ZBTB20: variants seen among roughly 807,000 people sequenced by gnomAD.
The protein encoded by ZBTB20 is zinc finger and BTB domain-containing protein 20.
In ZBTB20, 9 loss-of-function variants were observed where a neutral mutation model predicts 56.9. The observed-to-expected ratio is 0.16, with a 90% CI of 0.10 to 0.28. The LOEUF is 0.28. ZBTB20 is among the 10% of genes least tolerant of loss of function. The pLI is 1.00. For synonymous variants in ZBTB20, 417 were observed against 420.7 expected (o/e 0.99, Z 0.11); for missense variants, 655 against 1,003.0 (o/e 0.65, Z 4.69).
chr3:114,583,771 T>C (rs963871458), intron 6 of ZBTB20, among the ~76,000 whole-genome samples: 2 of 152,244 alleles, frequency 1.3e-5, no homozygotes, highest in Admixed American at 6.5e-5. Context: ...ATGTGAGGTC[T>C]CAGTTACTAT....
At position 115,119,813 on chromosome 3, in the gene ZBTB20, C is replaced by T. The variant is rs547171751; in HGVS notation, c.-703+27406G>A. ...TGTTCTAAAACAGAGAGAGAGAAAG[C>T]ACACAAGCAAGAGTGTAATACTGTG... On this transcript the variant is annotated intron_variant, in intron 1 of 11. Transcript: ENST00000675478. Among the ~76,000 whole-genome samples, 6 of 152,232 alleles carry T rather than the reference C, an allele frequency of 3.9e-5. No individual in the cohort carries two copies. In the South Asian group the frequency reaches 1.2e-3, roughly 32 times the overall value.
intron 5 of ZBTB20, among the ~76,000 whole-genome samples, chr3:114,784,930 C>CAT (rs1560246678): frequency 6.6e-6 from 1 of 152,138 alleles, no homozygotes; most frequent in Non-Finnish European, 1.5e-5. Context: ...AATTATTTCA[C>CAT]ATATATTATC....
At chr3:115,085,869 T>C (rs529252029) in intron 1 of ZBTB20, among the ~76,000 whole-genome samples, 4 of 152,046 alleles carry the variant, frequency 2.6e-5, no homozygotes, top group Non-Finnish European at 5.9e-5. Context: ...GAAAGATGCC[T>C]ACAAACATGA....
At chr3:114,378,965 T>C (rs1234978230) in intron 10 of ZBTB20, 1 of 152,216 alleles carries the variant, frequency 6.6e-6, no homozygotes, top group Non-Finnish European at 1.5e-5. Context: ...CTTTTCATTT[T>C]CTAGTGACGG....
At chr3:114,430,574 A>G (rs2090044781) in intron 7 of ZBTB20, among the ~76,000 whole-genome samples, 1 of 152,240 alleles carries the variant, frequency 6.6e-6, no homozygotes, top group South Asian at 2.1e-4. Flanking sequence ...GTTTAAATAT[A>G]TGAGCATGAG....
At chr3:114,382,761 C>A (rs1438006175) in intron 8 of ZBTB20, among the ~76,000 whole-genome samples, 1 of 152,148 alleles carries the variant, frequency 6.6e-6, no homozygotes, top group Non-Finnish European at 1.5e-5. Context: ...TGTAAGCTCT[C>A]TGAAGGTAAG....
chr3:114,752,906 A>AT (rs771877915), intron 5 of ZBTB20, among the ~76,000 whole-genome samples: 1 of 152,142 alleles, frequency 6.6e-6, no homozygotes, highest in African/African-American at 2.4e-5. Flanking sequence ...ACTCAGTTCA[A>AT]TGAAAAAACC....
intron 7 of ZBTB20, among the ~76,000 whole-genome samples, chr3:114,391,472 A>G (rs937838293): frequency 6.6e-6 from 1 of 152,206 alleles, no homozygotes; most frequent in African/African-American, 2.4e-5. Flanking sequence ...GAAGCATTTC[A>G]CAAAGGAGAG....
chr3:114,971,366 TG>T, intron 3 of ZBTB20, among the ~76,000 whole-genome samples: 1 of 152,302 alleles, frequency 6.6e-6, no homozygotes, highest in Middle Eastern at 3.4e-3. Flanking sequence ...TCAGAGATTT[TG>T]GGGGGTTCCA....
At chr3:114,718,372 T>C (rs1466297512) in intron 5 of ZBTB20, among the ~76,000 whole-genome samples, 2 of 152,132 alleles carry the variant, frequency 1.3e-5, no homozygotes, top group Non-Finnish European at 2.9e-5. Flanking sequence ...ATACAAGATA[T>C]ATTCTAAGTC....
At chr3:114,864,627 A>T (rs2075685541) in intron 4 of ZBTB20, among the ~76,000 whole-genome samples, 1 of 152,092 alleles carries the variant, frequency 6.6e-6, no homozygotes, top group African/African-American at 2.4e-5. Flanking sequence ...ATTTTCATAT[A>T]ATACTATCTA....
chr3:115,133,569 C>A (rs1320210186), intron 1 of ZBTB20, among the ~76,000 whole-genome samples: 35 of 152,196 alleles, frequency 2.3e-4, no homozygotes, highest in Admixed American at 2.3e-3. Flanking sequence ...AACCACTAAT[C>A]TCCTTTCTGT....
intron 6 of ZBTB20, chr3:114,528,624 C>T (rs1229977018): frequency 6.6e-6 from 1 of 152,072 alleles, no homozygotes; most frequent in Non-Finnish European, 1.5e-5. Flanking sequence ...CTTATACTTT[C>T]CTCATAGAAA....
intron 1 of ZBTB20, among the ~76,000 whole-genome samples, chr3:115,108,060 G>A (rs760487482): frequency 4.0e-5 from 6 of 151,812 alleles, no homozygotes; most frequent in African/African-American, 1.5e-4. Context: ...CCTAGATGAC[G>A]GGTTGATAGA....
At chr3:114,594,703 C>T (rs1016441926) in intron 6 of ZBTB20, among the ~76,000 whole-genome samples, 2 of 152,222 alleles carry the variant, frequency 1.3e-5, no homozygotes, top group South Asian at 4.1e-4. Flanking sequence ...AGGTCTTAGT[C>T]TAGCAGGTAA....
At chr3:114,726,913 A>C in intron 5 of ZBTB20, among the ~76,000 whole-genome samples, 1 of 114,156 alleles carries the variant, frequency 8.8e-6, no homozygotes, top group African/African-American at 3.9e-5. Flanking sequence ...CTCCATCACA[A>C]AAAAAAAAAA....
intron 5 of ZBTB20, among the ~76,000 whole-genome samples, chr3:114,718,486 C>T (rs1336120025): frequency 1.3e-5 from 2 of 151,942 alleles, no homozygotes; most frequent in Admixed American, 6.6e-5. Context: ...GAGGGAAGTA[C>T]CTGAACACAG....
chr3:114,468,339 G>C (rs1444440221), intron 7 of ZBTB20, among the ~76,000 whole-genome samples: 1 of 152,142 alleles, frequency 6.6e-6, no homozygotes, highest in Non-Finnish European at 1.5e-5. Context: ...TAGGTCAAAA[G>C]GGACTAACAA....
At chr3:114,695,633 T>A (rs537956770) in intron 5 of ZBTB20, among the ~76,000 whole-genome samples, 442 of 152,154 alleles carry the variant, frequency 2.9e-3, no homozygotes, top group Non-Finnish European at 5.5e-3. Context: ...TTTTTTAAAT[T>A]TAAACAACCC....
Sources: gnomAD v4.1 joint callset for allele counts (sites outside exome capture counted in the v4.1 genomes callset) on GRCh38, gnomAD v4.1.1 for gene constraint, MANE v1.5 for transcripts, NCBI Gene and HGNC (gene_info 2026-07-23, HGNC 2026-07-21) for gene names.